Variants in RALA observed in about 807,000 individuals in gnomAD.
The protein encoded by RALA is ras-related protein Ral-A.
A neutral mutation model predicts 24.0 loss-of-function variants in RALA; 5 were observed. That is an observed-to-expected ratio of 0.21 (90% confidence interval 0.11 to 0.44). The LOEUF (loss-of-function observed/expected upper bound fraction) is 0.44. Among genes scored for constraint, RALA ranks in the 20% least tolerant of loss-of-function variants. RALA has a pLI of 0.99. For synonymous variants in RALA, 77 were observed against 83.8 expected, an observed-to-expected ratio of 0.92 and a Z score of 0.44; for missense variants, 95 against 241.2, an observed-to-expected ratio of 0.39 and a Z score of 4.01.
At chr7:39,644,189 G>A (rs1411524776) in intron 1 of RALA, among the ~76,000 whole-genome samples, 1 of 151,210 alleles carries the variant, frequency 6.6e-6, no homozygotes, top group Non-Finnish European at 1.5e-5. Flanking sequence ...GGTCTTGCTG[G>A]GAAATTCCTA....
At chr7:39,628,908 T>C (rs1175601008) in intron 1 of RALA, among the ~76,000 whole-genome samples, 1 of 152,224 alleles carries the variant, frequency 6.6e-6, no homozygotes. Context: ...ATGTATCTCC[T>C]AACAAGTCAG....
intron 1 of RALA, among the ~76,000 whole-genome samples, chr7:39,666,456 A>G (rs1792288625): frequency 6.6e-6 from 1 of 152,246 alleles, no homozygotes; most frequent in African/African-American, 2.4e-5. Context: ...CAGATTTGTG[A>G]TGGAGAATGT....
chr7:39,705,977 G>T (rs1793115084), intron 4 of RALA, 146 bp from the exon 5 acceptor site: 1 of 642,768 alleles, frequency 1.6e-6, no homozygotes, highest in Admixed American at 3.9e-5. Flanking sequence ...TCAGGCTTTA[G>T]TTTTATGCTT....
At chr7:39,630,633 C>A (rs1791582264) in intron 1 of RALA, among the ~76,000 whole-genome samples, 1 of 152,098 alleles carries the variant, frequency 6.6e-6, no homozygotes, top group African/African-American at 2.4e-5. Flanking sequence ...TCTTCTGGTA[C>A]TCATATAGTT....
intron 4 of RALA, among the ~76,000 whole-genome samples, chr7:39,705,161 C>T (rs1429664425): frequency 3.3e-5 from 5 of 152,246 alleles, no homozygotes; most frequent in South Asian, 2.1e-4. Flanking sequence ...CATGTATACT[C>T]CTGCCCTACA....
intron 1 of RALA, chr7:39,624,258 C>A (rs1791436038): frequency 6.6e-6 from 1 of 151,532 alleles, no homozygotes; most frequent in African/African-American, 2.4e-5. Flanking sequence ...AGAGCCGCTG[C>A]TTTTTAAGCA....
intron 1 of RALA, among the ~76,000 whole-genome samples, chr7:39,678,004 G>T (rs1004866407): frequency 1.4e-5 from 2 of 147,038 alleles, no homozygotes; most frequent in Admixed American, 6.9e-5. Flanking sequence ...GAGATCACAT[G>T]GACACAGGAA....
intron 3 of RALA, among the ~76,000 whole-genome samples, chr7:39,696,411 A>G (rs1447765584): frequency 2.6e-5 from 4 of 152,228 alleles, no homozygotes; most frequent in Non-Finnish European, 5.9e-5. Flanking sequence ...ACCATGGCCA[A>G]CTCAAGGCTA....
At chr7:39,692,473 C>T (rs1387729598) in intron 3 of RALA, among the ~76,000 whole-genome samples, 1 of 152,130 alleles carries the variant, frequency 6.6e-6, no homozygotes, top group Non-Finnish European at 1.5e-5. Context: ...TTGTACTTCC[C>T]TATTCTGAAA....
At chr7:39,703,983 T>C (rs1351559703) in intron 4 of RALA, among the ~76,000 whole-genome samples, 5 of 151,922 alleles carry the variant, frequency 3.3e-5, no homozygotes, top group African/African-American at 9.7e-5. Flanking sequence ...CTGGCCAACA[T>C]GGCAAAACCC....
At chr7:39,642,195 C>T (rs1448427815) in intron 1 of RALA, among the ~76,000 whole-genome samples, 1 of 152,130 alleles carries the variant, frequency 6.6e-6, no homozygotes, top group East Asian at 1.9e-4. Context: ...TCAGTGAAAA[C>T]GAACTCAGAG....
chr7:39,645,245 G>A (rs1434169646), intron 1 of RALA, among the ~76,000 whole-genome samples: 2 of 152,094 alleles, frequency 1.3e-5, no homozygotes, highest in Non-Finnish European at 2.9e-5. Flanking sequence ...CAACAGCAGG[G>A]TTTTGTAGCT....
intron 1 of RALA, among the ~76,000 whole-genome samples, chr7:39,648,251 A>G (rs1198200974): frequency 1.3e-5 from 2 of 152,222 alleles, no homozygotes; most frequent in Non-Finnish European, 2.9e-5. Context: ...CGAAATCTTT[A>G]GAGCCTATTA....
chr7:39,639,743 T>C (rs984359418), intron 1 of RALA, among the ~76,000 whole-genome samples: 5 of 152,106 alleles, frequency 3.3e-5, no homozygotes, highest in African/African-American at 1.2e-4. Context: ...TTCAGGCTCT[T>C]GGATGGTGAG....
intron 1 of RALA, among the ~76,000 whole-genome samples, chr7:39,633,849 A>G (rs74660721): frequency 0.062 from 9,412 of 152,268 alleles, 379 homozygotes; most frequent in Non-Finnish European, 0.087. Context: ...TTCCATCCAC[A>G]TGGCAGTGAT....
chr7:39,673,701 GC>G (rs1016371166), intron 1 of RALA, among the ~76,000 whole-genome samples: 1 of 152,006 alleles, frequency 6.6e-6, no homozygotes, highest in Non-Finnish European at 1.5e-5. Flanking sequence ...ATGATCATTT[GC>G]CTCTTTCTTT....
In RALA at chr7:39,706,120, T is replaced by G. The variant is rs376574999; in HGVS notation, c.499-3T>G. On this transcript the variant is annotated splice_polypyrimidine_tract_variant and splice_region_variant and intron_variant, in intron 4 of 4. Coordinates refer to ENST00000005257, the MANE Select transcript of RALA (RefSeq NM_005402.4). ...TTATTTATCCTATTTTTTTTCTTTC[T>G]AGGTATTTTTTGATTTAATGAGAGA... The G allele has an allele frequency of 6.3e-7, 1 of 1,597,810 alleles. No homozygotes were observed. The highest frequency in any genetic ancestry group is 1.8e-5 in the Admixed American group (1 of 56,690).
intron 1 of RALA, among the ~76,000 whole-genome samples, chr7:39,678,757 A>G (rs1376145124): frequency 6.6e-6 from 1 of 152,190 alleles, no homozygotes; most frequent in Non-Finnish European, 1.5e-5. Flanking sequence ...TAGTTTATAT[A>G]AGGTACCAAG....
At chr7:39,705,551 C>A (rs978397286) in intron 4 of RALA, among the ~76,000 whole-genome samples, 3 of 151,854 alleles carry the variant, frequency 2.0e-5, no homozygotes, top group African/African-American at 7.3e-5. Context: ...CATTATTTAC[C>A]GGTTCCTAGA....
Sources: gnomAD v4.1 joint callset for allele counts (sites outside exome capture counted in the v4.1 genomes callset) on GRCh38, gnomAD v4.1.1 for gene constraint, MANE v1.5 for transcripts, NCBI Gene and HGNC (gene_info 2026-07-23, HGNC 2026-07-21) for gene names.